The following EXOC2 variants were observed in gnomAD, a reference collection of about 807,000 sequenced individuals.
The protein encoded by EXOC2 is exocyst complex component 2, also known as SEC5-like 1.
A neutral mutation model predicts 131.8 loss-of-function variants in EXOC2; 70 were observed. The ratio of observed to expected loss-of-function variants is 0.53; its 90% CI spans 0.44 to 0.65. The LOEUF is 0.65. Ranked by LOEUF, EXOC2 falls within the 30% of genes least tolerant of loss-of-function variation. The probability of loss-of-function intolerance (pLI) is 0.00; values close to 1 mark genes in which losing one functional copy is unlikely to be tolerated. For synonymous variants in EXOC2, 411 were observed against 398.4 expected (o/e 1.03, Z -0.38); for missense variants, 923 against 1,108.6 (o/e 0.83, Z 2.38).
At chr6:620,210 T>C (rs1380484594) in intron 4 of EXOC2, among the ~76,000 whole-genome samples, 2 of 152,204 alleles carry the variant, frequency 1.3e-5, no homozygotes, top group East Asian at 3.9e-4. Context: ...CGACAATAGA[T>C]CAGGTTCCAT....
At chr6:596,002 G>A (rs563282528) in intron 10 of EXOC2, among the ~76,000 whole-genome samples, 1 of 152,222 alleles carries the variant, frequency 6.6e-6, no homozygotes, top group East Asian at 1.9e-4. Context: ...CCAAACAGGC[G>A]TCCCGTCCCC....
At chr6:658,660 TA>T (rs1365467697) in intron 1 of EXOC2, among the ~76,000 whole-genome samples, 7 of 71,270 alleles carry the variant, frequency 9.8e-5, no homozygotes, top group Non-Finnish European at 1.5e-4. Context: ...TATATATATA[TA>T]TATATTTTTT....
At chr6:651,189 C>T (rs1216852022) in intron 1 of EXOC2, among the ~76,000 whole-genome samples, 1 of 151,640 alleles carries the variant, frequency 6.6e-6, no homozygotes, top group African/African-American at 2.4e-5. Context: ...CGCCACCATG[C>T]CCAGCTAATT....
intron 18 of EXOC2, 90 bp downstream of exon 18, chr6:556,394 G>C: frequency 7.8e-7 from 1 of 1,286,298 alleles, no homozygotes; most frequent in Non-Finnish European, 1.1e-6. Flanking sequence ...AGGGAGAAAA[G>C]ATCTTGCAGT....
At chr6:557,421 C>T (rs993105343) in intron 17 of EXOC2, among the ~76,000 whole-genome samples, 6 of 151,978 alleles carry the variant, frequency 3.9e-5, no homozygotes, top group African/African-American at 9.7e-5. Flanking sequence ...AGATTGAGAC[C>T]GTCCTGGCCA....
intron 16 of EXOC2, among the ~76,000 whole-genome samples, 157 bp from the exon 17 acceptor site, chr6:563,002 T>C (rs1757779121): frequency 6.6e-6 from 1 of 152,250 alleles, no homozygotes; most frequent in South Asian, 2.1e-4. Context: ...GTAGACTTGA[T>C]GATTTAAGTA....
intron 24 of EXOC2, among the ~76,000 whole-genome samples, chr6:498,233 T>C (rs546381917): frequency 4.6e-5 from 7 of 152,296 alleles, no homozygotes; most frequent in African/African-American, 1.7e-4. Context: ...TAGCAAATAG[T>C]AAATACTATG....
At chr6:656,997 A>T in intron 1 of EXOC2, 1 of 1,419,404 alleles carries the variant, frequency 7.0e-7, no homozygotes. Flanking sequence ...CGCGTGCCAC[A>T]AGCCCTTCCG....
At position 556,031 on chromosome 6, in the gene EXOC2, G is replaced by T. The variant is rs1757399781; in HGVS notation, c.1933-18C>A. On this transcript the variant is annotated intron_variant, in intron 18 of 27. Coordinates refer to ENST00000230449, the MANE Select transcript of EXOC2 (RefSeq NM_018303.6). Reference sequence around the variant, plus strand: ...TGGAAGACCTGTAAGGAAGAATTTTGATGAAAATTTTTGGACTTTGCTAAG... The same window carrying T: ...TGGAAGACCTGTAAGGAAGAATTTTTATGAAAATTTTTGGACTTTGCTAAG... 1 of 1,611,526 alleles carries T rather than the reference G, an allele frequency of 6.2e-7. No homozygotes were observed. The highest frequency in any genetic ancestry group is 8.5e-7 in the Non-Finnish European group (1 of 1,179,308).
At chr6:607,281 T>G (rs1006833354) in intron 7 of EXOC2, among the ~76,000 whole-genome samples, 6 of 152,232 alleles carry the variant, frequency 3.9e-5, no homozygotes, top group African/African-American at 1.4e-4. Context: ...TGGAGCCATA[T>G]TTCTGGATAT....
intron 7 of EXOC2, among the ~76,000 whole-genome samples, chr6:608,957 T>A (rs1220440187): frequency 6.6e-6 from 1 of 152,214 alleles, no homozygotes; most frequent in African/African-American, 2.4e-5. Context: ...AAATTCAGAA[T>A]ATCTTCATTT....
intron 25 of EXOC2, among the ~76,000 whole-genome samples, chr6:492,876 T>C (rs1197080151): frequency 6.6e-6 from 1 of 152,230 alleles, no homozygotes; most frequent in Non-Finnish European, 1.5e-5. Flanking sequence ...TTGCATATTC[T>C]TTTTCTATTG....
At chr6:560,053 C>T (rs1166759759) in intron 17 of EXOC2, among the ~76,000 whole-genome samples, 2 of 152,196 alleles carry the variant, frequency 1.3e-5, no homozygotes, top group African/African-American at 2.4e-5. Context: ...TTGCTGTGAT[C>T]ATTAGGATAG....
intron 11 of EXOC2, among the ~76,000 whole-genome samples, chr6:586,903 G>A (rs1172480237): frequency 6.6e-6 from 1 of 152,230 alleles, no homozygotes; most frequent in Non-Finnish European, 1.5e-5. Context: ...AGACACCTTT[G>A]TCACATGCGA....
At chr6:639,240 G>A (rs1196219232) in intron 1 of EXOC2, among the ~76,000 whole-genome samples, 1 of 152,164 alleles carries the variant, frequency 6.6e-6, no homozygotes, top group Non-Finnish European at 1.5e-5. Context: ...GTGCAGCAAA[G>A]CCGTGGGACT....
intron 22 of EXOC2, among the ~76,000 whole-genome samples, chr6:545,227 G>A (rs868139450): frequency 6.0e-5 from 9 of 150,602 alleles, no homozygotes; most frequent in Non-Finnish European, 1.0e-4. Context: ...TACAGGCTTC[G>A]TCAGGTGAAA....
intron 10 of EXOC2, among the ~76,000 whole-genome samples, chr6:594,804 C>T (rs1759725084): frequency 6.6e-6 from 1 of 152,164 alleles, no homozygotes; most frequent in Non-Finnish European, 1.5e-5. Context: ...TTGTGCTGGG[C>T]TCTTCAAATA....
At chr6:593,782 T>A (rs1759670137) in intron 10 of EXOC2, among the ~76,000 whole-genome samples, 2 of 152,344 alleles carry the variant, frequency 1.3e-5, no homozygotes, top group South Asian at 4.1e-4. Context: ...GGGCCAGACC[T>A]CAATCCCTCA....
intron 13 of EXOC2, among the ~76,000 whole-genome samples, chr6:565,197 G>A (rs1286089422): frequency 6.6e-6 from 1 of 152,152 alleles, no homozygotes; most frequent in Non-Finnish European, 1.5e-5. Flanking sequence ...GATTTTACAG[G>A]TGAATTTCAT....
Sources: gnomAD v4.1 joint callset for allele counts (sites outside exome capture counted in the v4.1 genomes callset) on GRCh38, gnomAD v4.1.1 for gene constraint, MANE v1.5 for transcripts, NCBI Gene and HGNC (gene_info 2026-07-23, HGNC 2026-07-21) for gene names.